ADGRL3: variants seen among roughly 807,000 people sequenced by gnomAD.
ADGRL3 encodes the protein adhesion G protein-coupled receptor L3.
Under a neutral mutation model 153.5 loss-of-function variants are expected in ADGRL3, and 62 were observed. The observed-to-expected ratio is 0.40, with a 90% CI of 0.33 to 0.50. The LOEUF is 0.50. ADGRL3 is among the 20% of genes least tolerant of loss of function. The probability of loss-of-function intolerance (pLI) is 0.47; values close to 1 mark genes in which losing one functional copy is unlikely to be tolerated. For missense variants in ADGRL3, 1,641 were observed against 1,859.4 expected, an observed-to-expected ratio of 0.88 and a Z score of 2.16; for synonymous variants, 710 against 672.5, an observed-to-expected ratio of 1.06 and a Z score of -0.86.
At chr4:61,928,526 A>ACCT (rs2150068815) in intron 13 of ADGRL3, among the ~76,000 whole-genome samples, 2 of 152,332 alleles carry the variant, frequency 1.3e-5, no homozygotes, top group South Asian at 4.1e-4. Flanking sequence ...ACCTCATTCA[A>ACCT]CAGTGCCTTA....
intron 17 of ADGRL3, among the ~76,000 whole-genome samples, chr4:61,971,434 TA>T (rs2099027236): frequency 1.3e-5 from 2 of 152,168 alleles, no homozygotes; most frequent in Non-Finnish European, 2.9e-5. Flanking sequence ...TGCAGTAGTT[TA>T]CTGAGAATGA....
At chr4:61,905,783 T>C (rs1345770368) in intron 11 of ADGRL3, among the ~76,000 whole-genome samples, 3 of 151,706 alleles carry the variant, frequency 2.0e-5, no homozygotes, top group Non-Finnish European at 4.4e-5. Context: ...TAATCCCAGC[T>C]ACTCGGGAGA....
chr4:61,957,145 A>G (rs1035789541), intron 17 of ADGRL3, among the ~76,000 whole-genome samples: 23 of 152,132 alleles, frequency 1.5e-4, no homozygotes, highest in African/African-American at 5.1e-4. Flanking sequence ...CATTTTCACA[A>G]TATTGATTCG....
chr4:62,013,065 T>G (rs936433309), intron 21 of ADGRL3, among the ~76,000 whole-genome samples: 2 of 152,106 alleles, frequency 1.3e-5, no homozygotes, highest in African/African-American at 4.8e-5. Context: ...AGTGCAAACA[T>G]TTGCGACTGT....
At chr4:62,009,096 T>C (rs1033075771) in intron 21 of ADGRL3, among the ~76,000 whole-genome samples, 1 of 152,118 alleles carries the variant, frequency 6.6e-6, no homozygotes, top group South Asian at 2.1e-4. Context: ...CGAAATCACC[T>C]AAGGACACAT....
chr4:61,449,609 T>C (rs2097649852), intron 2 of ADGRL3, among the ~76,000 whole-genome samples: 1 of 152,164 alleles, frequency 6.6e-6, no homozygotes, highest in Admixed American at 6.5e-5. Flanking sequence ...ACTTCCTAGA[T>C]ACCCAGTCTG....
chr4:61,837,021 C>A (rs1477488553), intron 9 of ADGRL3, among the ~76,000 whole-genome samples: 1 of 152,144 alleles, frequency 6.6e-6, no homozygotes. Flanking sequence ...ATTTCAAATT[C>A]TTTTGAAAAT....
chr4:61,844,482 G>T (rs1264650685), intron 9 of ADGRL3, among the ~76,000 whole-genome samples: 3 of 137,732 alleles, frequency 2.2e-5, no homozygotes, highest in African/African-American at 8.3e-5. Flanking sequence ...AGGAGGCGGA[G>T]GTTCCAGTGA....
At chr4:61,277,762 T>G (rs2093538683) in intron 1 of ADGRL3, among the ~76,000 whole-genome samples, 1 of 152,194 alleles carries the variant, frequency 6.6e-6, no homozygotes, top group Non-Finnish European at 1.5e-5. Context: ...AAAAGACTGT[T>G]GTGAGGATCA....
At chr4:61,602,072 G>T (rs974505276) in intron 5 of ADGRL3, among the ~76,000 whole-genome samples, 1 of 144,008 alleles carries the variant, frequency 6.9e-6, no homozygotes, top group African/African-American at 2.5e-5. Flanking sequence ...ATAAGTAAAC[G>T]GTTAATAAAT....
intron 4 of ADGRL3, among the ~76,000 whole-genome samples, chr4:61,523,816 CA>C (rs1357831349): frequency 6.6e-6 from 1 of 151,866 alleles, no homozygotes; most frequent in Non-Finnish European, 1.5e-5. Flanking sequence ...GTGTAAATTA[CA>C]ATTTATATTC....
At chr4:61,808,496 G>A (rs74576399) in intron 8 of ADGRL3, among the ~76,000 whole-genome samples, 14,611 of 152,136 alleles carry the variant, frequency 0.096, 772 homozygotes, top group Middle Eastern at 0.15. Context: ...TTATTAAGAT[G>A]AAGGGGGGAA....
At chr4:61,464,078 G>A (rs1381442296) in intron 2 of ADGRL3, among the ~76,000 whole-genome samples, 1 of 152,060 alleles carries the variant, frequency 6.6e-6, no homozygotes, top group African/African-American at 2.4e-5. Context: ...AAAATGGTTT[G>A]GTTGTCTTCC....
At chr4:61,600,261 TCACTCCACTG>T (rs1251702891) in intron 5 of ADGRL3, among the ~76,000 whole-genome samples, 2 of 115,016 alleles carry the variant, frequency 1.7e-5, no homozygotes, top group Admixed American at 1.3e-4. Flanking sequence ...TGAGCCGAGA[TCACTCCACTG>T]CACTCCAGCC....
At chr4:61,807,569 C>G (rs1257891310) in intron 8 of ADGRL3, among the ~76,000 whole-genome samples, 1 of 152,092 alleles carries the variant, frequency 6.6e-6, no homozygotes, top group East Asian at 1.9e-4. Flanking sequence ...AATGTAGTTT[C>G]AACACTGGGA....
chr4:61,604,521 A>C (rs2099024360), intron 5 of ADGRL3, among the ~76,000 whole-genome samples: 1 of 152,190 alleles, frequency 6.6e-6, no homozygotes, highest in African/African-American at 2.4e-5. Context: ...TGACTTAGCA[A>C]AGAAAAGTCT....
chr4:61,683,628 A>T (rs1425694727), intron 6 of ADGRL3, among the ~76,000 whole-genome samples: 1 of 152,126 alleles, frequency 6.6e-6, no homozygotes, highest in East Asian at 1.9e-4. Flanking sequence ...AAACAATTAG[A>T]AAAGGGTAGC....
At chr4:61,389,051 T>G (rs1485098793) in intron 2 of ADGRL3, among the ~76,000 whole-genome samples, 1 of 152,238 alleles carries the variant, frequency 6.6e-6, no homozygotes, top group African/African-American at 2.4e-5. Flanking sequence ...ATTTCTGTTT[T>G]TATGTGTCTT....
intron 21 of ADGRL3, among the ~76,000 whole-genome samples, chr4:62,011,326 A>C (rs963715348): frequency 1.4e-4 from 22 of 152,188 alleles, no homozygotes; most frequent in Non-Finnish European, 2.1e-4. Flanking sequence ...AGTTTGATGA[A>C]GAAGTGGATA....
Sources: allele counts gnomAD v4.1 joint callset (sites outside exome capture counted in the v4.1 genomes callset), GRCh38; gene constraint gnomAD v4.1.1; transcripts MANE v1.5; gene names NCBI Gene and HGNC (gene_info 2026-07-23, HGNC 2026-07-21).